SORL1: variants seen among roughly 807,000 people sequenced by gnomAD.
SORL1 encodes sortilin-related receptor.
In SORL1, 127 loss-of-function variants were observed where a neutral mutation model predicts 273.7. That is an observed-to-expected ratio of 0.46 (90% confidence interval 0.40 to 0.54). SORL1 has a LOEUF of 0.54. Among genes scored for constraint, SORL1 ranks in the 20% least tolerant of loss-of-function variants. SORL1 has a pLI of 0.00. For missense variants in SORL1, 2,494 were observed against 2,846.1 expected (o/e 0.88, Z 2.81); for synonymous variants, 1,031 against 1,067.4 (o/e 0.97, Z 0.66).
In SORL1 at chr11:121,545,436, T is replaced by C. The variant is rs763922243; in HGVS notation, c.2051+7T>C. On this transcript the variant is annotated splice_region_variant and intron_variant, in intron 14 of 47. Coordinates refer to ENST00000260197, the MANE Select transcript of SORL1 (RefSeq NM_003105.6). ...CCCGGGAGGACTATGAGTGGTCAGT[T>C]CTTCTTTGATGGCTGGGGACTGAGT... 2 of 1,613,572 alleles carry C rather than the reference T, an allele frequency of 1.2e-6. No homozygotes were observed. The highest frequency in any genetic ancestry group is 4.5e-5 in the East Asian group (2 of 44,862).
chr11:121,609,015 A>C (rs1863520760), intron 38 of SORL1: 1 of 152,214 alleles, frequency 6.6e-6, no homozygotes, highest in African/African-American at 2.4e-5. Context: ...GAAATAATTG[A>C]TGATTGAGTG....
At chr11:121,618,339 A>G (rs1863669116) in intron 41 of SORL1, among the ~76,000 whole-genome samples, 1 of 152,080 alleles carries the variant, frequency 6.6e-6, no homozygotes, top group Non-Finnish European at 1.5e-5. Context: ...TCCACTGTGC[A>G]AGCTCCCATG....
intron 11 of SORL1, among the ~76,000 whole-genome samples, chr11:121,529,697 C>A (rs984734210): frequency 6.6e-6 from 1 of 152,132 alleles, no homozygotes; most frequent in African/African-American, 2.4e-5. Flanking sequence ...CCACCATGCC[C>A]AGTTCTTTGA....
chr11:121,453,568 G>T (rs1029533529), intron 1 of SORL1, among the ~76,000 whole-genome samples: 2 of 152,098 alleles, frequency 1.3e-5, no homozygotes, highest in Non-Finnish European at 2.9e-5. Context: ...AAATACACTT[G>T]TTTTCTAGAG....
At chr11:121,511,824 G>C (rs1303555722) in intron 6 of SORL1, among the ~76,000 whole-genome samples, 1 of 152,154 alleles carries the variant, frequency 6.6e-6, no homozygotes, top group African/African-American at 2.4e-5. Context: ...TTATATTGCA[G>C]ATAAAATAAA....
At chr11:121,516,792 G>A (rs769160415) in intron 8 of SORL1, among the ~76,000 whole-genome samples, 4 of 151,988 alleles carry the variant, frequency 2.6e-5, no homozygotes, top group Non-Finnish European at 4.4e-5. Context: ...GGTGGCTCAC[G>A]CCTGTAAACC....
chr11:121,597,163 A>G (rs1863307382), intron 32 of SORL1, among the ~76,000 whole-genome samples: 1 of 152,200 alleles, frequency 6.6e-6, no homozygotes, highest in Non-Finnish European at 1.5e-5. Context: ...TCTGTCCTAA[A>G]TAGTTCACCC....
At chr11:121,538,868 G>A (rs183340966) in intron 12 of SORL1, among the ~76,000 whole-genome samples, 4 of 152,130 alleles carry the variant, frequency 2.6e-5, no homozygotes, top group Non-Finnish European at 2.9e-5. Context: ...TAGTAGAGGC[G>A]GGGTTTCACC....
At chr11:121,593,903 G>A (rs758876505) in intron 31 of SORL1, among the ~76,000 whole-genome samples, 8 of 152,140 alleles carry the variant, frequency 5.3e-5, no homozygotes, top group Non-Finnish European at 8.8e-5. Context: ...AGTAGAGCAC[G>A]TTTTCTGGAA....
intron 1 of SORL1, among the ~76,000 whole-genome samples, chr11:121,455,919 G>A (rs1229031808): frequency 2.0e-5 from 3 of 152,002 alleles, no homozygotes; most frequent in South Asian, 2.1e-4. Flanking sequence ...CTTGAACCCC[G>A]GAGGCGGAGG....
rs376573235 is a variant in SORL1, at chr11:121,588,092, G to A, written c.3887G>A (p.Cys1296Tyr). 1.2e-6 allele frequency: 2 copies of A among 1,613,868 alleles called. No individual in the cohort carries two copies. Among genetic ancestry groups the A allele is most frequent in the African/African-American group, 2.7e-5 (2 of 74,916 alleles). ...CAGTGCCTGTTCCACTCCATGGTCT[G>A]TGACGGAATCATCCAGTGCCGCGAC... ...RQQCLFHSMV[C>Y]DGIIQCRDGS... The change falls in exon 28 of 48, where the codon TGT (cysteine) becomes TAT (tyrosine). Residue 1296 changes from cysteine (C) to tyrosine (Y), a missense_variant. By Grantham distance (194) the Cys-to-Tyr change is radical. Coordinates refer to ENST00000260197, the MANE Select transcript of SORL1 (RefSeq NM_003105.6).
chr11:121,595,499 A>G lies in SORL1; in HGVS notation c.4370-124A>G. ...ACTCTGCTCTCTATCCGGAACTCGC[A>G]TTTGTCTTCAGGTTCCCATTGTAAT... On this transcript the variant is annotated intron_variant, in intron 31 of 47. Coordinates refer to ENST00000260197, the MANE Select transcript of SORL1 (RefSeq NM_003105.6). This position sits in a 1 kb window ranked among gnomAD's most constrained non-coding sequence, Gnocchi z 5.1. 1 of 875,830 alleles carries G rather than the reference A, an allele frequency of 1.1e-6. No individual in the cohort carries two copies. Among genetic ancestry groups the G allele is most frequent in the South Asian group, 1.5e-5 (1 of 66,242 alleles). The allele number at this position is 875,830 out of a possible 1,614,324, so 54.3% of individuals were successfully genotyped here.
chr11:121,578,151 C>T (rs942448681), intron 25 of SORL1, among the ~76,000 whole-genome samples: 1 of 152,192 alleles, frequency 6.6e-6, no homozygotes, highest in Admixed American at 6.5e-5. Flanking sequence ...ATTTGCTCTA[C>T]AGCCTCCTTG....
intron 6 of SORL1, among the ~76,000 whole-genome samples, chr11:121,504,082 T>C (rs1861752634): frequency 6.6e-6 from 1 of 152,226 alleles, no homozygotes; most frequent in South Asian, 2.1e-4. Context: ...CTGGGTTTTC[T>C]GGTTTTCAGT....
intron 11 of SORL1, among the ~76,000 whole-genome samples, chr11:121,525,210 T>C (rs1238358058): frequency 6.6e-6 from 1 of 152,248 alleles, no homozygotes; most frequent in East Asian, 1.9e-4. Flanking sequence ...TTTTGATAAG[T>C]GGACTCACAC....
rs1459177625 is a variant in SORL1 at position 121,614,995 on chromosome 11, C to T, written c.5544C>T (p.Leu1848=). 2.5e-6 allele frequency: 4 copies of T among 1,613,388 alleles called. No homozygotes were observed. Among genetic ancestry groups the T allele is most frequent in the African/African-American group, 2.7e-5 (2 of 74,880 alleles). The change falls in exon 41 of 48, where the codon CTC becomes CTT. Residue 1848 remains leucine (L), a synonymous_variant. Transcript: ENST00000260197. ...TRGVRPPAPS[L]KAKAINQTAV... is the part of the protein sequence containing the mutation. ...GGGTTCGCCCACCTGCACCTAGCCT[C>T]AAGGCCAAAGCCATCAACCAGACTG...
At chr11:121,523,876 T>C (rs1165072337) in intron 11 of SORL1, among the ~76,000 whole-genome samples, 1 of 152,216 alleles carries the variant, frequency 6.6e-6, no homozygotes, top group Non-Finnish European at 1.5e-5. Context: ...CGTGGTGCTT[T>C]ACTGGGAATG....
At chr11:121,530,040 T>C (rs1407942616) in intron 11 of SORL1, among the ~76,000 whole-genome samples, 3 of 152,228 alleles carry the variant, frequency 2.0e-5, no homozygotes, top group Non-Finnish European at 2.9e-5. Context: ...TTTGAGTTGA[T>C]AATTGCACTT....
chr11:121,480,634 T>A (rs77063457), intron 3 of SORL1, among the ~76,000 whole-genome samples: 7 of 141,890 alleles, frequency 4.9e-5, no homozygotes, highest in African/African-American at 1.0e-4. Context: ...CACAGATACC[T>A]ATAGGCAGGC....
Sources: gnomAD v4.1 joint callset for allele counts (sites outside exome capture counted in the v4.1 genomes callset) on GRCh38, gnomAD v4.1.1 for gene constraint, Gnocchi (gnomAD v3.1) non-coding constraint, MANE v1.5 for transcripts, NCBI Gene and HGNC (gene_info 2026-07-23, HGNC 2026-07-21) for gene names.